Variants in ANKS1A observed in about 807,000 individuals in gnomAD.
The protein encoded by ANKS1A is ankyrin repeat and SAM domain-containing protein 1A.
A neutral mutation model predicts 120.3 loss-of-function variants in ANKS1A; 55 were observed. That is an observed-to-expected ratio of 0.46 (90% confidence interval 0.37 to 0.57). The LOEUF is 0.57. ANKS1A is among the 20% of genes least tolerant of loss of function. The probability of loss-of-function intolerance (pLI) is 0.00; values close to 1 mark genes in which losing one functional copy is unlikely to be tolerated. For synonymous variants in ANKS1A, 590 were observed against 604.7 expected, an observed-to-expected ratio of 0.98 and a Z score of 0.36; for missense variants, 1,123 against 1,480.3, an observed-to-expected ratio of 0.76 and a Z score of 3.96.
chr6:35,014,098 C>T (rs1362440966), intron 10 of ANKS1A, among the ~76,000 whole-genome samples: 1 of 152,166 alleles, frequency 6.6e-6, no homozygotes, highest in African/African-American at 2.4e-5. Flanking sequence ...TTGTTAGCAC[C>T]TTGTCCCTAA....
intron 10 of ANKS1A, among the ~76,000 whole-genome samples, chr6:35,006,536 G>A (rs987705597): frequency 1.3e-5 from 2 of 151,562 alleles, no homozygotes; most frequent in South Asian, 4.2e-4. Context: ...GGGTGGATCA[G>A]GAGATCAGGA....
chr6:35,070,959 C>T (rs1381460432), intron 13 of ANKS1A: 2 of 600,776 alleles, frequency 3.3e-6, no homozygotes, highest in East Asian at 4.2e-5. Context: ...CAACCAACCA[C>T]TTTCCAGGGT....
At chr6:34,904,245 A>G (rs1581670628) in intron 1 of ANKS1A, among the ~76,000 whole-genome samples, 1 of 152,244 alleles carries the variant, frequency 6.6e-6, no homozygotes, top group Admixed American at 6.5e-5. Flanking sequence ...AATAGTTATT[A>G]AAACATATTT....
chr6:34,991,539 TATA>T (rs1362022799), intron 9 of ANKS1A, among the ~76,000 whole-genome samples: 1 of 85,082 alleles, frequency 1.2e-5, no homozygotes, highest in Non-Finnish European at 2.3e-5. Flanking sequence ...AAAAAAAATA[TATA>T]CACACACACA....
intron 13 of ANKS1A, among the ~76,000 whole-genome samples, chr6:35,063,977 A>G (rs181507368): frequency 2.0e-5 from 3 of 152,302 alleles, no homozygotes. Flanking sequence ...TGGAAAGATC[A>G]CAGAGACAGG....
chr6:35,000,306 T>G (rs1773094994), intron 10 of ANKS1A, among the ~76,000 whole-genome samples: 1 of 150,866 alleles, frequency 6.6e-6, no homozygotes, highest in Non-Finnish European at 1.5e-5. Context: ...CTAAACAAGG[T>G]CTTATTAATA....
chr6:34,941,359 G>A (rs890969602), intron 1 of ANKS1A, among the ~76,000 whole-genome samples: 1 of 151,916 alleles, frequency 6.6e-6, no homozygotes, highest in Non-Finnish European at 1.5e-5. Flanking sequence ...TTTTGATGAT[G>A]TTACATAATC....
chr6:35,049,220 G>T (rs941559856), intron 11 of ANKS1A, among the ~76,000 whole-genome samples: 1 of 152,194 alleles, frequency 6.6e-6, no homozygotes, highest in African/African-American at 2.4e-5. Context: ...GAGGGAAAGG[G>T]AGTTAGAGAA....
chr6:34,998,686 G>T (rs555647465), intron 10 of ANKS1A, among the ~76,000 whole-genome samples: 1 of 152,258 alleles, frequency 6.6e-6, no homozygotes, highest in South Asian at 2.1e-4. Context: ...ACCCCCCTTA[G>T]AGTTGTGAGC....
At chr6:34,996,662 A>T (rs750507795) in intron 10 of ANKS1A, among the ~76,000 whole-genome samples, 1 of 152,100 alleles carries the variant, frequency 6.6e-6, no homozygotes, top group Non-Finnish European at 1.5e-5. Context: ...TAGTAGAGCT[A>T]GGGTTTCACC....
intron 17 of ANKS1A, among the ~76,000 whole-genome samples, chr6:35,081,688 C>T (rs756204047): frequency 1.3e-5 from 2 of 152,240 alleles, no homozygotes; most frequent in South Asian, 2.1e-4. Context: ...TGGGGGGCAC[C>T]GCTGGAGACG....
chr6:35,019,431 G>T (rs1376226503), intron 11 of ANKS1A, among the ~76,000 whole-genome samples: 1 of 152,210 alleles, frequency 6.6e-6, no homozygotes, highest in Admixed American at 6.5e-5. Context: ...TGGGTTGGGG[G>T]TGGGGGCTGT....
intron 10 of ANKS1A, among the ~76,000 whole-genome samples, chr6:35,000,770 C>T (rs1175556436): frequency 6.6e-6 from 1 of 151,836 alleles, no homozygotes; most frequent in African/African-American, 2.4e-5. Context: ...TAAACTATAC[C>T]TTTGGTAAAA....
intron 11 of ANKS1A, among the ~76,000 whole-genome samples, chr6:35,031,475 C>T (rs1561926223): frequency 6.6e-6 from 1 of 152,178 alleles, no homozygotes; most frequent in Non-Finnish European, 1.5e-5. Context: ...CTAAATGACC[C>T]TGAGCCAGGC....
At position 35,084,492 on chromosome 6, in the gene ANKS1A, C is replaced by CTTTTTT. The variant is rs11458954; in HGVS notation, c.3132+246_3132+251dup. Among the ~76,000 whole-genome samples the CTTTTTT allele has an allele frequency of 1.4e-5, 2 of 138,506 alleles. No individual in the cohort carries two copies. The highest frequency in any genetic ancestry group is 5.4e-5 in the African/African-American group (2 of 37,320). 90.9% of individuals were successfully genotyped at this position (138,506 alleles called of 152,430 possible). On this transcript the variant is annotated intron_variant, in intron 21 of 23. Coordinates refer to ENST00000360359, the MANE Select transcript of ANKS1A (RefSeq NM_015245.3). This position sits in a 1 kb window ranked among gnomAD's most constrained non-coding sequence, Gnocchi z 4.8. ...GGGCACTAGGGACAGGAGGTTCCAG[C>CTTTTTT]TTTTTTTTTTTTTTTTTAAGAGATG... is the stretch of plus-strand genomic sequence containing the variant.
chr6:35,025,636 CCTTTT>C (rs1774586295), intron 11 of ANKS1A, among the ~76,000 whole-genome samples: 1 of 152,058 alleles, frequency 6.6e-6, no homozygotes, highest in Admixed American at 6.6e-5. Context: ...CTCTTTCTCC[CCTTTT>C]CTTCTATGCT....
intron 10 of ANKS1A, among the ~76,000 whole-genome samples, chr6:35,000,297 T>C (rs1416581739): frequency 6.6e-6 from 1 of 151,578 alleles, no homozygotes; most frequent in Non-Finnish European, 1.5e-5. Context: ...TAATTTAGAC[T>C]AAACAAGGTC....
rs185807356 is a variant in ANKS1A, at chr6:34,917,568, A to T, written c.197+27969A>T. 1.3e-4 allele frequency among the ~76,000 whole-genome samples: 20 copies of T among 152,330 alleles called. No individual in the cohort carries two copies. The South Asian group carries it at 1.7e-3, about 13-fold the overall frequency. On this transcript the variant is annotated intron_variant, in intron 1 of 23. Coordinates refer to ENST00000360359, the MANE Select transcript of ANKS1A (RefSeq NM_015245.3). ...AGTGCAAGTGAAATGGCACTCTGTT[A>T]AACTAACCTGAAATCTGATGATGTG...
intron 11 of ANKS1A, among the ~76,000 whole-genome samples, chr6:35,019,375 T>G (rs932928370): frequency 3.3e-5 from 5 of 152,196 alleles, no homozygotes; most frequent in Admixed American, 6.5e-5. Context: ...GGGTAGGTGC[T>G]GGAAAGTTAT....
Sources: allele counts gnomAD v4.1 joint callset (sites outside exome capture counted in the v4.1 genomes callset), GRCh38; gene constraint gnomAD v4.1.1; non-coding constraint Gnocchi (gnomAD v3.1); transcripts MANE v1.5; gene names NCBI Gene and HGNC (gene_info 2026-07-23, HGNC 2026-07-21).